The following ADK variants were observed in gnomAD, a reference collection of about 807,000 sequenced individuals.
The protein encoded by ADK is adenosine kinase, also known as N6,N6-dimethyladenosine kinase.
A neutral mutation model predicts 44.7 loss-of-function variants in ADK; 24 were observed. The observed-to-expected ratio is 0.54, with a 90% CI of 0.39 to 0.76. The LOEUF (loss-of-function observed/expected upper bound fraction) is 0.76. Ranked by LOEUF, ADK falls within the 30% of genes least tolerant of loss-of-function variation. ADK has a pLI of 0.00. For synonymous variants in ADK, 128 were observed against 142.6 expected, an observed-to-expected ratio of 0.90 and a Z score of 0.73; for missense variants, 321 against 425.1, an observed-to-expected ratio of 0.76 and a Z score of 2.15.
chr10:74,687,913 G>A (rs1855851810), intron 10 of ADK, among the ~76,000 whole-genome samples: 4 of 152,026 alleles, frequency 2.6e-5, no homozygotes, highest in Admixed American at 2.6e-4. Flanking sequence ...CTGTATAATA[G>A]CCAAAATAAT....
chr10:74,659,430 A>G (rs1854611675), intron 9 of ADK, among the ~76,000 whole-genome samples: 2 of 152,232 alleles, frequency 1.3e-5, no homozygotes, highest in Admixed American at 1.3e-4. Context: ...ATCAGATGCA[A>G]ACATGAACAA....
In ADK at chr10:74,589,269, T is replaced by C. The variant is rs1188111633; in HGVS notation, c.727-13T>C. On this transcript the variant is annotated splice_polypyrimidine_tract_variant and intron_variant, in intron 7 of 10. Transcript: ENST00000539909. ...ACTTTATAATTAACTGTTCTTTTTT[T>C]TTTTTATTTCAGGAAGCTGCCACTT... The C allele has an allele frequency of 1.9e-6, 3 of 1,613,544 alleles. No homozygotes were observed. The Admixed American group carries it at 5.0e-5, about 27-fold the overall frequency.
At chr10:74,239,866 TA>T (rs1363702622) in intron 3 of ADK, among the ~76,000 whole-genome samples, 1 of 152,156 alleles carries the variant, frequency 6.6e-6, no homozygotes, top group Non-Finnish European at 1.5e-5. Flanking sequence ...ATATTCTATT[TA>T]GTTATCTTTG....
chr10:74,278,638 A>G lies in ADK; in HGVS notation c.195-36029A>G, dbSNP rs111325813. 5.2e-3 allele frequency among the ~76,000 whole-genome samples: 797 copies of G among 152,248 alleles called. 12 individuals are homozygous for G. The highest frequency in any genetic ancestry group is 0.017 in the African/African-American group (724 of 41,544). On this transcript the variant is annotated intron_variant, in intron 3 of 10. Coordinates refer to ENST00000539909, the MANE Select transcript of ADK (RefSeq NM_006721.4). ...TTCTTTTGGTCAACATTTGACCAATATGTCCTTTTTCCTTCTTTCACTTTT... is the reference window on the plus strand; with the variant it reads ...TTCTTTTGGTCAACATTTGACCAATGTGTCCTTTTTCCTTCTTTCACTTTT...
intron 1 of ADK, among the ~76,000 whole-genome samples, chr10:74,200,128 C>A (rs1165571835): frequency 6.7e-6 from 1 of 149,216 alleles, no homozygotes; most frequent in East Asian, 1.9e-4. Flanking sequence ...ATAAGTATTA[C>A]CTTTTCTCTG....
intron 6 of ADK, among the ~76,000 whole-genome samples, chr10:74,436,697 G>A (rs975834470): frequency 1.8e-4 from 27 of 152,228 alleles, no homozygotes; most frequent in Admixed American, 1.5e-3. Context: ...GCAACATGAC[G>A]TCAAAAGTGA....
chr10:74,559,254 G>T (rs1045724583), intron 7 of ADK, among the ~76,000 whole-genome samples: 1 of 152,264 alleles, frequency 6.6e-6, no homozygotes, highest in Non-Finnish European at 1.5e-5. Context: ...CGCAACCTGG[G>T]TTGTGGGGAC....
intron 10 of ADK, among the ~76,000 whole-genome samples, chr10:74,675,380 C>T (rs533720971): frequency 1.0e-3 from 157 of 152,304 alleles, no homozygotes; most frequent in African/African-American, 3.3e-3. Context: ...TTCCATCTCA[C>T]GGGTTTAGTG....
intron 10 of ADK, among the ~76,000 whole-genome samples, chr10:74,682,444 A>G (rs1190097439): frequency 6.6e-6 from 1 of 152,128 alleles, no homozygotes; most frequent in Non-Finnish European, 1.5e-5. Flanking sequence ...TCAGTTGCTC[A>G]CTTTATGTGG....
At chr10:74,439,490 G>A (rs139389628) in intron 6 of ADK, among the ~76,000 whole-genome samples, 2 of 152,254 alleles carry the variant, frequency 1.3e-5, no homozygotes, top group African/African-American at 4.8e-5. Context: ...TAGATAAAGT[G>A]CCTAGAGCAG....
At chr10:74,161,700 C>CT (rs560513649) in intron 1 of ADK, among the ~76,000 whole-genome samples, 63 of 144,326 alleles carry the variant, frequency 4.4e-4, no homozygotes, top group Admixed American at 5.6e-4. Context: ...ATTCTTAACA[C>CT]TTTTTTTTTT....
intron 9 of ADK, among the ~76,000 whole-genome samples, chr10:74,615,463 A>G (rs1852717192): frequency 6.6e-6 from 1 of 152,168 alleles, no homozygotes; most frequent in African/African-American, 2.4e-5. Context: ...GATACCAAAG[A>G]GTTACATTTT....
intron 4 of ADK, among the ~76,000 whole-genome samples, chr10:74,393,520 T>C (rs1287758307): frequency 1.3e-5 from 2 of 152,196 alleles, no homozygotes; most frequent in Admixed American, 1.3e-4. Context: ...TTAATTTATA[T>C]ATGAATTACT....
At chr10:74,493,816 C>T (rs1430517385) in intron 6 of ADK, among the ~76,000 whole-genome samples, 1 of 151,972 alleles carries the variant, frequency 6.6e-6, no homozygotes, top group African/African-American at 2.4e-5. Flanking sequence ...GTGTACCTAC[C>T]ATGAATGTTT....
chr10:74,558,078 ACT>A (rs1000263338), intron 7 of ADK, among the ~76,000 whole-genome samples: 3 of 151,884 alleles, frequency 2.0e-5, no homozygotes, highest in African/African-American at 7.3e-5. Flanking sequence ...CACAGGTGTG[ACT>A]CTCTCCAGGC....
intron 4 of ADK, among the ~76,000 whole-genome samples, chr10:74,343,209 C>T (rs532730437): frequency 9.9e-5 from 15 of 151,992 alleles, no homozygotes; most frequent in Admixed American, 1.3e-4. Flanking sequence ...TTGACCCTTG[C>T]ACAACATGGC....
At chr10:74,650,091 T>G (rs1483908180) in intron 9 of ADK, among the ~76,000 whole-genome samples, 1 of 152,178 alleles carries the variant, frequency 6.6e-6, no homozygotes. Flanking sequence ...CTTTCCTCCT[T>G]CCTTATCAGA....
At chr10:74,372,478 T>C in intron 4 of ADK, 1 of 340,882 alleles carries the variant, frequency 2.9e-6, no homozygotes, top group Non-Finnish European at 5.4e-6. Context: ...TAAATGTCAG[T>C]TTAAAAAAAA....
intron 4 of ADK, among the ~76,000 whole-genome samples, chr10:74,378,452 TATA>T (rs1276249116): frequency 6.6e-6 from 1 of 152,204 alleles, no homozygotes; most frequent in African/African-American, 2.4e-5. Context: ...TTTATTTTAG[TATA>T]ATTTTCTTCT....
Sources: gnomAD v4.1 joint callset for allele counts (sites outside exome capture counted in the v4.1 genomes callset) on GRCh38, gnomAD v4.1.1 for gene constraint, MANE v1.5 for transcripts, NCBI Gene and HGNC (gene_info 2026-07-23, HGNC 2026-07-21) for gene names.